Variants in MYRIP observed in about 807,000 individuals in gnomAD.
MYRIP encodes myosin VIIA and Rab interacting protein, also known as rab effector MyRIP.
In MYRIP, 49 loss-of-function variants were observed where a neutral mutation model predicts 98.0. The observed-to-expected ratio is 0.50, with a 90% CI of 0.40 to 0.63. The LOEUF (loss-of-function observed/expected upper bound fraction) is 0.63. Among genes scored for constraint, MYRIP ranks in the 30% least tolerant of loss-of-function variants. The pLI, the probability that MYRIP is intolerant of heterozygous loss-of-function variation, is 0.00. For missense variants in MYRIP, 1,004 were observed against 1,058.2 expected (o/e 0.95, Z 0.71); for synonymous variants, 404 against 409.5 (o/e 0.99, Z 0.16).
chr3:40,081,807 C>G (rs1336590150), intron 3 of MYRIP, among the ~76,000 whole-genome samples: 2 of 152,092 alleles, frequency 1.3e-5, no homozygotes, highest in Non-Finnish European at 2.9e-5. Flanking sequence ...AAACTATGTA[C>G]CCTTTGACCA....
At chr3:40,224,539 T>G (rs1952436415) in intron 11 of MYRIP, among the ~76,000 whole-genome samples, 1 of 152,188 alleles carries the variant, frequency 6.6e-6, no homozygotes, top group Non-Finnish European at 1.5e-5. Context: ...CCCCGCTTAG[T>G]TTCCTTTGCC....
intron 16 of MYRIP, among the ~76,000 whole-genome samples, chr3:40,256,352 A>C (rs778784717): frequency 6.6e-6 from 1 of 152,186 alleles, no homozygotes; most frequent in Non-Finnish European, 1.5e-5. Context: ...AAATGAAAAC[A>C]TTACATATAT....
At chr3:40,030,912 T>C (rs1287441830) in intron 2 of MYRIP, among the ~76,000 whole-genome samples, 2 of 152,116 alleles carry the variant, frequency 1.3e-5, no homozygotes, top group African/African-American at 4.8e-5. Flanking sequence ...GCACAACTTT[T>C]TGAATATACT....
intron 3 of MYRIP, among the ~76,000 whole-genome samples, chr3:40,069,556 G>A (rs1221384176): frequency 6.6e-6 from 1 of 152,030 alleles, no homozygotes; most frequent in African/African-American, 2.4e-5. Context: ...ATTCCAAACT[G>A]AAGCTCTATG....
At chr3:40,131,127 C>G (rs904796640) in intron 3 of MYRIP, among the ~76,000 whole-genome samples, 13 of 152,192 alleles carry the variant, frequency 8.5e-5, no homozygotes, top group Non-Finnish European at 1.2e-4. Context: ...AATTGCAATA[C>G]TTCTACCTGC....
chr3:40,251,371 G>T (rs765243676), intron 15 of MYRIP, among the ~76,000 whole-genome samples: 7 of 152,060 alleles, frequency 4.6e-5, no homozygotes, highest in Non-Finnish European at 1.0e-4. Flanking sequence ...AATTTCTTGG[G>T]CATTAGAAAG....
intron 2 of MYRIP, among the ~76,000 whole-genome samples, chr3:39,931,092 G>T (rs1944527574): frequency 1.3e-5 from 2 of 151,934 alleles, no homozygotes; most frequent in Non-Finnish European, 2.9e-5. Context: ...AATTTTGATG[G>T]GGATTGTATC....
At chr3:40,232,473 ATCAAG>A (rs1044071811) in intron 11 of MYRIP, among the ~76,000 whole-genome samples, 95 of 152,338 alleles carry the variant, frequency 6.2e-4, no homozygotes, top group African/African-American at 2.2e-3. Context: ...ATTTTGCAAA[ATCAAG>A]TCATAGCTAT....
chr3:40,032,925 CAAT>C (rs888461632), intron 2 of MYRIP, among the ~76,000 whole-genome samples: 4 of 152,046 alleles, frequency 2.6e-5, no homozygotes, highest in Non-Finnish European at 5.9e-5. Context: ...ATATGCAAAT[CAAT>C]AAATGTAATC....
intron 1 of MYRIP, among the ~76,000 whole-genome samples, chr3:39,899,758 A>G (rs1020042022): frequency 1.3e-5 from 2 of 152,206 alleles, no homozygotes; most frequent in African/African-American, 2.4e-5. Context: ...TGGATGTAAA[A>G]TATAGTTTTA....
chr3:39,899,090 C>T (rs184569289), intron 1 of MYRIP, among the ~76,000 whole-genome samples: 19 of 152,072 alleles, frequency 1.2e-4, no homozygotes, highest in African/African-American at 4.6e-4. Context: ...CAATGAAATC[C>T]TCTCTCCTCT....
intron 2 of MYRIP, among the ~76,000 whole-genome samples, chr3:39,942,438 T>G (rs1379190064): frequency 6.6e-6 from 1 of 152,150 alleles, no homozygotes; most frequent in South Asian, 2.1e-4. Flanking sequence ...TTTATAGAAA[T>G]AGGAATTAGC....
At chr3:40,036,294 A>C (rs1947381051) in intron 2 of MYRIP, among the ~76,000 whole-genome samples, 1 of 111,324 alleles carries the variant, frequency 9.0e-6, no homozygotes, top group African/African-American at 3.4e-5. Context: ...CATTGCAACA[A>C]CTGATACCAA....
chr3:39,960,356 TA>T (rs796370566), intron 2 of MYRIP, among the ~76,000 whole-genome samples: 1 of 152,144 alleles, frequency 6.6e-6, no homozygotes, highest in East Asian at 1.9e-4. Context: ...GACTTTCTTG[TA>T]AAAAACACAT....
chr3:39,919,693 G>GTGT (rs796639053), intron 2 of MYRIP, among the ~76,000 whole-genome samples: 14 of 143,264 alleles, frequency 9.8e-5, no homozygotes, highest in East Asian at 4.2e-4. Flanking sequence ...GGGTATGTGT[G>GTGT]GTGTGTGTGT....
In MYRIP at chr3:40,013,975, A is replaced by G. The variant is rs375523610; in HGVS notation, c.111-30075A>G. The stretch of plus-strand genomic sequence containing the variant: ...GGGTCCCAGTGCCAGCGGCACTAAA[A>G]TCTATTGATGTACCATAAGCATTAA... On this transcript the variant is annotated intron_variant, in intron 2 of 16. Transcript: ENST00000302541. 5.8e-4 allele frequency among the ~76,000 whole-genome samples: 88 copies of G among 152,342 alleles called. 1 individual carries two copies. Among genetic ancestry groups the G allele is most frequent in the African/African-American group, 1.9e-3 (79 of 41,590 alleles).
intron 11 of MYRIP, among the ~76,000 whole-genome samples, chr3:40,216,119 C>G (rs1272630171): frequency 6.6e-6 from 1 of 152,180 alleles, no homozygotes; most frequent in African/African-American, 2.4e-5. Flanking sequence ...GAAAGATTGC[C>G]CAGAACTCCA....
At chr3:39,824,332 TG>T (rs1482283297) in intron 1 of MYRIP, among the ~76,000 whole-genome samples, 1 of 152,150 alleles carries the variant, frequency 6.6e-6, no homozygotes. Flanking sequence ...TTTGGCTGTT[TG>T]GGGTCTTTTG....
chr3:39,923,939 T>C lies in MYRIP; in HGVS notation c.110+23013T>C, dbSNP rs575628815. ...TACCAGTAGAGCATGATGTATGTTA[T>C]GGCTATAAAATGTCATACCTACCAA... On this transcript the variant is annotated intron_variant, in intron 2 of 16. Coordinates refer to ENST00000302541, the MANE Select transcript of MYRIP (RefSeq NM_015460.4). Among the ~76,000 whole-genome samples the C allele has an allele frequency of 3.9e-5, 6 of 152,218 alleles. No individual in the cohort carries two copies. In the South Asian group the frequency reaches 1.2e-3, roughly 32 times the overall value.
Sources: allele counts gnomAD v4.1 joint callset (sites outside exome capture counted in the v4.1 genomes callset), GRCh38; gene constraint gnomAD v4.1.1; transcripts MANE v1.5; gene names NCBI Gene and HGNC (gene_info 2026-07-23, HGNC 2026-07-21).